NRXN1: variants seen among roughly 807,000 people sequenced by gnomAD.
NRXN1 encodes the protein neurexin-1.
Under a neutral mutation model 150.9 loss-of-function variants are expected in NRXN1, and 39 were observed. The ratio of observed to expected loss-of-function variants is 0.26; its 90% confidence interval spans 0.20 to 0.34. NRXN1 has a LOEUF of 0.34. Ranked by LOEUF, NRXN1 falls within the 10% of genes least tolerant of loss-of-function variation. The probability of loss-of-function intolerance (pLI) is 1.00; values close to 1 mark genes in which losing one functional copy is unlikely to be tolerated. For synonymous variants in NRXN1, 924 were observed against 757.0 expected, an observed-to-expected ratio of 1.22 and a Z score of -3.62; for missense variants, 1,815 against 1,949.9, an observed-to-expected ratio of 0.93 and a Z score of 1.30.
intron 18 of NRXN1, among the ~76,000 whole-genome samples, chr2:50,196,706 A>G (rs2061791111): frequency 2.0e-5 from 3 of 152,106 alleles, no homozygotes; most frequent in African/African-American, 7.2e-5. Context: ...CCATATTTCT[A>G]TTTTAAAATG....
intron 5 of NRXN1, among the ~76,000 whole-genome samples, chr2:50,634,793 G>A (rs1286835487): frequency 6.6e-6 from 1 of 152,184 alleles, no homozygotes; most frequent in Middle Eastern, 3.4e-3. Context: ...GCTGATGAGG[G>A]GAAGAGAAAA....
intron 5 of NRXN1, among the ~76,000 whole-genome samples, chr2:50,812,651 A>G (rs998890958): frequency 6.6e-5 from 10 of 151,376 alleles, no homozygotes; most frequent in African/African-American, 2.4e-4. Flanking sequence ...TCATTTGGCT[A>G]TATATAAAAT....
At chr2:50,687,364 T>C (rs1691388432) in intron 5 of NRXN1, among the ~76,000 whole-genome samples, 2 of 152,196 alleles carry the variant, frequency 1.3e-5, no homozygotes, top group South Asian at 4.1e-4. Flanking sequence ...AACATAATAC[T>C]ATCTTTTTTT....
chr2:50,932,271 C>T (rs144898021), intron 2 of NRXN1, among the ~76,000 whole-genome samples: 8 of 151,838 alleles, frequency 5.3e-5, no homozygotes, highest in South Asian at 2.1e-4. Flanking sequence ...GCCTGTAATC[C>T]CAGCTACTCA....
At chr2:51,016,440 G>A (rs1286633299) in intron 2 of NRXN1, among the ~76,000 whole-genome samples, 1 of 152,072 alleles carries the variant, frequency 6.6e-6, no homozygotes, top group African/African-American at 2.4e-5. Flanking sequence ...AGAAGTGAGT[G>A]AAGGATATGA....
chr2:50,489,252 G>T (rs1221461885), intron 15 of NRXN1, among the ~76,000 whole-genome samples: 1 of 152,200 alleles, frequency 6.6e-6, no homozygotes, highest in Non-Finnish European at 1.5e-5. Flanking sequence ...TGGGTGAGAA[G>T]AAACCAGCCC....
intron 12 of NRXN1, among the ~76,000 whole-genome samples, chr2:50,522,724 T>C (rs1160908907): frequency 0.028 from 891 of 31,436 alleles, 143 homozygotes; most frequent in Non-Finnish European, 0.089. Context: ...TTATTCATTT[T>C]TTTTTTTTTT....
chr2:50,918,456 A>G lies in NRXN1; in HGVS notation c.832+3413T>C, dbSNP rs567164928. The G allele has an allele frequency of 1.2e-5, 4 of 335,800 alleles. No homozygotes were observed. In the East Asian group the frequency reaches 1.6e-4, roughly 13 times the overall value. 20.8% of individuals were successfully genotyped at this position (335,800 alleles called of 1,614,324 possible). A position where few individuals can be genotyped will look rare whatever the true frequency, so the allele number is the denominator to read the frequency against. ...AGTATAATCACAAATACAAATATGT[A>G]ATTACAATTATGATGACTTATGAAG... On this transcript the variant is annotated intron_variant, in intron 5 of 22. Coordinates refer to ENST00000401669, the MANE Select transcript of NRXN1 (RefSeq NM_001330078.2).
intron 18 of NRXN1, among the ~76,000 whole-genome samples, chr2:50,124,765 T>C (rs1314884025): frequency 6.6e-6 from 1 of 152,158 alleles, no homozygotes; most frequent in Non-Finnish European, 1.5e-5. Flanking sequence ...AATAATTTCA[T>C]CAGTAAATAT....
intron 21 of NRXN1, among the ~76,000 whole-genome samples, chr2:49,981,758 T>C (rs1201641383): frequency 6.6e-6 from 1 of 152,028 alleles, no homozygotes; most frequent in East Asian, 1.9e-4. Flanking sequence ...TATAAAAAAA[T>C]CAGTGAACAG....
At chr2:50,286,902 C>T (rs1278212078) in intron 17 of NRXN1, among the ~76,000 whole-genome samples, 3 of 152,002 alleles carry the variant, frequency 2.0e-5, no homozygotes, top group African/African-American at 7.2e-5. Context: ...TGTAATAATA[C>T]CATTGCTGCT....
intron 19 of NRXN1, among the ~76,000 whole-genome samples, chr2:50,070,684 G>A (rs1157629159): frequency 6.6e-6 from 1 of 150,724 alleles, no homozygotes; most frequent in Non-Finnish European, 1.5e-5. Context: ...GCAGGAGAAT[G>A]GCGTGAACCC....
intron 3 of NRXN1, among the ~76,000 whole-genome samples, chr2:50,924,271 GC>G (rs1240863342): frequency 6.6e-6 from 1 of 151,656 alleles, no homozygotes; most frequent in African/African-American, 2.4e-5. Context: ...CATTCTTCCT[GC>G]TAGACTTTCT....
intron 17 of NRXN1, among the ~76,000 whole-genome samples, chr2:50,307,599 T>C (rs2074748895): frequency 6.6e-6 from 1 of 152,210 alleles, no homozygotes; most frequent in Non-Finnish European, 1.5e-5. Context: ...GTTTAGACTC[T>C]AAACAATTTT....
chr2:50,525,325 C>A (rs993959416), intron 12 of NRXN1, among the ~76,000 whole-genome samples: 2 of 152,216 alleles, frequency 1.3e-5, no homozygotes, highest in Admixed American at 1.3e-4. Flanking sequence ...TTCGTTAATT[C>A]AGATAGTTTT....
Position 50,039,491 on chromosome 2 carries a change from G to T in NRXN1, c.4128+13780C>A, listed in dbSNP as rs149826432. Among the ~76,000 whole-genome samples the T allele has an allele frequency of 4.5e-4, 69 of 152,242 alleles. 1 individual carries two copies. In the East Asian group the frequency reaches 0.013, roughly 29 times the overall value. ...ATAAGTAACTAAATAAATAAGCAAAGAAACTGTGCAAAGAGAGGTAAGGCT... is the reference window on the plus strand; with the variant it reads ...ATAAGTAACTAAATAAATAAGCAAATAAACTGTGCAAAGAGAGGTAAGGCT... On this transcript the variant is annotated intron_variant, in intron 21 of 22. Coordinates refer to ENST00000401669, the MANE Select transcript of NRXN1 (RefSeq NM_001330078.2).
At chr2:50,834,665 G>T (rs780986063) in intron 5 of NRXN1, among the ~76,000 whole-genome samples, 1 of 152,178 alleles carries the variant, frequency 6.6e-6, no homozygotes, top group Middle Eastern at 3.4e-3. Flanking sequence ...TTGATCCTCA[G>T]TTTACTCATT....
At chr2:50,701,526 A>G (rs1693739959) in intron 5 of NRXN1, among the ~76,000 whole-genome samples, 1 of 152,186 alleles carries the variant, frequency 6.6e-6, no homozygotes, top group African/African-American at 2.4e-5. Context: ...ATTTTTCTGA[A>G]TGGTATTCTA....
intron 18 of NRXN1, among the ~76,000 whole-genome samples, chr2:50,157,947 T>C (rs1348839537): frequency 7.3e-6 from 1 of 136,978 alleles, no homozygotes; most frequent in Non-Finnish European, 1.6e-5. Context: ...CCCCCGAGAG[T>C]GGATAGATGA....
Sources: gnomAD v4.1 joint callset for allele counts (sites outside exome capture counted in the v4.1 genomes callset) on GRCh38, gnomAD v4.1.1 for gene constraint, MANE v1.5 for transcripts, NCBI Gene and HGNC (gene_info 2026-07-23, HGNC 2026-07-21) for gene names.